The following MCTP2 variants were observed in gnomAD, a reference collection of about 807,000 sequenced individuals.
The protein encoded by MCTP2 is multiple C2 and transmembrane domain containing 2.
Under a neutral mutation model 111.6 loss-of-function variants are expected in MCTP2, and 132 were observed. The ratio of observed to expected loss-of-function variants is 1.18; its 90% CI spans 1.03 to 1.37. The LOEUF is 1.37. Ranked by LOEUF, MCTP2 falls within the 40% of genes most tolerant of loss-of-function variation. MCTP2 has a pLI of 0.00. For missense variants in MCTP2, 1,183 were observed against 1,067.9 expected (o/e 1.11, Z -1.50); for synonymous variants, 395 against 387.7 (o/e 1.02, Z -0.22).
chr15:94,461,458 T>C (rs2085202398), intron 20 of MCTP2, among the ~76,000 whole-genome samples: 2 of 152,026 alleles, frequency 1.3e-5, no homozygotes, highest in South Asian at 2.1e-4. Context: ...AGACTCCAGC[T>C]CAAAAAAGCA....
At chr15:94,245,266 G>GTA (rs1287605303) in intron 1 of MCTP2, among the ~76,000 whole-genome samples, 30 of 138,066 alleles carry the variant, frequency 2.2e-4, no homozygotes, top group Admixed American at 1.0e-3. Flanking sequence ...ATATACATAT[G>GTA]TGTATATACG....
chr15:94,286,626 C>G (rs2074769609), intron 1 of MCTP2, among the ~76,000 whole-genome samples: 1 of 152,214 alleles, frequency 6.6e-6, no homozygotes, highest in Non-Finnish European at 1.5e-5. Flanking sequence ...TTCTGAGAAC[C>G]TCTTTCCTAC....
intron 17 of MCTP2, among the ~76,000 whole-genome samples, chr15:94,405,977 A>G (rs145399686): frequency 9.6e-4 from 146 of 152,352 alleles, no homozygotes; most frequent in African/African-American, 3.3e-3. Flanking sequence ...AATGAGGCCA[A>G]ATAGAACTGA....
chr15:94,406,101 A>C (rs1033547291), intron 17 of MCTP2, among the ~76,000 whole-genome samples: 4 of 152,242 alleles, frequency 2.6e-5, no homozygotes, highest in African/African-American at 9.6e-5. Flanking sequence ...CAAGACGTGT[A>C]CATGGCCATT....
chr15:94,385,383 T>A (rs1203150551), intron 13 of MCTP2, 40 bp from the exon 14 acceptor site: 1 of 1,331,418 alleles, frequency 7.5e-7, no homozygotes, highest in Admixed American at 1.7e-5. Flanking sequence ...AGACTTCACT[T>A]GTGTGTTTTT....
intron 17 of MCTP2, among the ~76,000 whole-genome samples, chr15:94,405,506 A>C (rs925254068): frequency 2.0e-5 from 3 of 152,222 alleles, no homozygotes; most frequent in Admixed American, 6.5e-5. Flanking sequence ...GTGGATGGAC[A>C]AACGTGAGAG....
intron 1 of MCTP2, among the ~76,000 whole-genome samples, chr15:94,254,117 T>G (rs1482554061): frequency 6.6e-6 from 1 of 152,222 alleles, no homozygotes; most frequent in African/African-American, 2.4e-5. Context: ...ATATTCTTGA[T>G]TGCTTCTGTT....
At chr15:94,235,807 C>G (rs550501099) in intron 1 of MCTP2, among the ~76,000 whole-genome samples, 1 of 152,198 alleles carries the variant, frequency 6.6e-6, no homozygotes. Flanking sequence ...TTAGAACCTT[C>G]CTCTTTTATC....
intron 1 of MCTP2, among the ~76,000 whole-genome samples, chr15:94,270,938 T>A (rs555853278): frequency 6.6e-6 from 1 of 152,338 alleles, no homozygotes; most frequent in Non-Finnish European, 1.5e-5. Flanking sequence ...ATATCCCTAG[T>A]GGCTGGAATA....
chr15:94,434,548 A>G (rs1567698730), intron 17 of MCTP2, among the ~76,000 whole-genome samples: 4 of 152,276 alleles, frequency 2.6e-5, no homozygotes, highest in Admixed American at 2.0e-4. Flanking sequence ...TTTGTATGTT[A>G]TGTGGTAAGA....
At chr15:94,472,353 G>A (rs879319605) in intron 21 of MCTP2, among the ~76,000 whole-genome samples, 2 of 152,034 alleles carry the variant, frequency 1.3e-5, no homozygotes, top group Non-Finnish European at 2.9e-5. Context: ...CTCCAGCCTG[G>A]GCAACAGAAC....
Position 94,479,179 on chromosome 15 carries a change from GCA to G in MCTP2, c.*148_*149del, listed in dbSNP as rs2074604607. 4 of 747,370 alleles carry G rather than the reference GCA, an allele frequency of 5.4e-6. No individual in the cohort carries two copies. Among genetic ancestry groups the G allele is most frequent in the East Asian group, 2.7e-5 (1 of 37,538 alleles). 46.3% of individuals were successfully genotyped at this position (747,370 alleles called of 1,614,324 possible). A position where few individuals can be genotyped will look rare whatever the true frequency, so the allele number is the denominator to read the frequency against. On this transcript the variant is annotated 3_prime_UTR_variant, in exon 23 of 23. Transcript: ENST00000357742. ...CTGTATACTTCCTCCTCCTTCACGT[GCA>G]CAGACATACACACATGTGCACACAC...
At chr15:94,443,170 T>G (rs1326349237) in intron 19 of MCTP2, among the ~76,000 whole-genome samples, 2 of 151,556 alleles carry the variant, frequency 1.3e-5, no homozygotes, top group Non-Finnish European at 2.9e-5. Flanking sequence ...ATAGAAGGAA[T>G]AATTGAAATG....
intron 17 of MCTP2, among the ~76,000 whole-genome samples, chr15:94,432,064 T>G (rs1371890389): frequency 6.6e-6 from 1 of 152,168 alleles, no homozygotes; most frequent in Non-Finnish European, 1.5e-5. Context: ...TACAAAATCA[T>G]TAGATTTTGA....
intron 17 of MCTP2, among the ~76,000 whole-genome samples, chr15:94,414,130 C>T (rs1037325229): frequency 1.3e-5 from 2 of 152,156 alleles, no homozygotes; most frequent in Admixed American, 6.6e-5. Flanking sequence ...GTGTCATCAA[C>T]AGATAACTGT....
intron 21 of MCTP2, among the ~76,000 whole-genome samples, chr15:94,476,042 A>G (rs928525342): frequency 6.6e-6 from 1 of 152,210 alleles, no homozygotes; most frequent in African/African-American, 2.4e-5. Context: ...GCCAATAATA[A>G]CTTTTCACAG....
chr15:94,314,466 C>T, intron 3 of MCTP2, 122 bp downstream of exon 3: 2 of 729,238 alleles, frequency 2.7e-6, no homozygotes, highest in Admixed American at 6.0e-5. Flanking sequence ...CAAACCGTAT[C>T]CACTTACAAA....
intron 19 of MCTP2, among the ~76,000 whole-genome samples, chr15:94,450,533 C>T (rs953399116): frequency 7.2e-5 from 11 of 152,134 alleles, no homozygotes; most frequent in Non-Finnish European, 1.3e-4. Context: ...TTTTTTCATG[C>T]TAAATGCCAC....
chr15:94,442,603 C>G (rs1039137611), intron 18 of MCTP2, among the ~76,000 whole-genome samples: 1 of 152,190 alleles, frequency 6.6e-6, no homozygotes, highest in Non-Finnish European at 1.5e-5. Context: ...GCAGTTGGTT[C>G]ATTTGTCAGA....
Sources: gnomAD v4.1 joint callset for allele counts (sites outside exome capture counted in the v4.1 genomes callset) on GRCh38, gnomAD v4.1.1 for gene constraint, MANE v1.5 for transcripts, NCBI Gene and HGNC (gene_info 2026-07-23, HGNC 2026-07-21) for gene names.